Variants in PTGS1 observed in about 807,000 individuals in gnomAD.
PTGS1 encodes the protein prostaglandin-endoperoxide synthase 1.
A neutral mutation model predicts 63.0 loss-of-function variants in PTGS1; 40 were observed. The ratio of observed to expected loss-of-function variants is 0.63; its 90% CI spans 0.49 to 0.83. The LOEUF is 0.83. PTGS1 is among the 40% of genes least tolerant of loss of function. The pLI, the probability that PTGS1 is intolerant of heterozygous loss-of-function variation, is 0.00. For missense variants in PTGS1, 709 were observed against 786.5 expected (o/e 0.90, Z 1.18); for synonymous variants, 298 against 301.9 (o/e 0.99, Z 0.13).
intron 2 of PTGS1, among the ~76,000 whole-genome samples, chr9:122,377,398 G>A (rs948676040): frequency 5.3e-5 from 8 of 152,196 alleles, no homozygotes; most frequent in East Asian, 1.9e-4. Context: ...GAGGGATCTC[G>A]TTTTCCTAGT....
At position 122,392,516 on chromosome 9, in the gene PTGS1, C is replaced by T. The variant is rs1300938986; in HGVS notation, c.1772C>T (p.Ala591Val). 1 of 1,613,892 alleles carries T rather than the reference C, an allele frequency of 6.2e-7. No homozygotes were observed. The highest frequency in any genetic ancestry group is 1.7e-5 in the Admixed American group (1 of 60,026). The change falls in exon 11 of 11, where the codon GCT (alanine) becomes GTT (valine). Residue 591 changes from alanine to valine, a missense_variant. Physicochemically the swap from Ala to Val is moderately conservative, Grantham distance 64 (BLOSUM62 0). Transcript: ENST00000362012. ...VPDASQDDGP[A>V]VERPSTEL ...GATGCCAGTCAGGATGATGGGCCTG[C>T]TGTGGAGCGACCATCCACAGAGCTC...
chr9:122,391,430 T>TATATATATAC (rs1564147754), intron 10 of PTGS1, among the ~76,000 whole-genome samples: 1 of 25,356 alleles, frequency 3.9e-5, no homozygotes, highest in Non-Finnish European at 1.9e-4. Flanking sequence ...TATATATACA[T>TATATATATAC]ATATATATAT....
intron 8 of PTGS1, among the ~76,000 whole-genome samples, 179 bp downstream of exon 8, chr9:122,383,934 G>A (rs150214270): frequency 2.0e-5 from 3 of 152,278 alleles, no homozygotes; most frequent in Non-Finnish European, 2.9e-5. Flanking sequence ...AAATCTGTAC[G>A]TTGGGGTGAA....
At chr9:122,391,358 CATATATATATATACATATATATATAT>C (rs773754495) in intron 10 of PTGS1, among the ~76,000 whole-genome samples, 1 of 104,308 alleles carries the variant, frequency 9.6e-6, no homozygotes, top group African/African-American at 4.1e-5. Flanking sequence ...TATATATATA[CATATATATATATACATATATATATAT>C]ACATATATAT....
intron 1 of PTGS1, 34 bp from the exon 2 acceptor site, chr9:122,371,152 G>T (rs1336949496): frequency 3.1e-6 from 5 of 1,607,716 alleles, no homozygotes; most frequent in African/African-American, 1.3e-5. Context: ...AGCCTTGAAT[G>T]CCAGGCTCAG....
At position 122,378,834 on chromosome 9, in the gene PTGS1, T is replaced by A; in HGVS notation, c.412T>A (p.Trp138Arg). The A allele has an allele frequency of 6.2e-7, 1 of 1,614,262 alleles. No individual in the cohort carries two copies. Among genetic ancestry groups the A allele is most frequent in the Non-Finnish European group, 8.5e-7 (1 of 1,180,040 alleles). The change falls in exon 5 of 11, where the codon TGG becomes AGG. Residue 138 changes from tryptophan to arginine, a missense_variant. Physicochemically the swap from Trp to Arg is moderately radical, Grantham distance 101. Transcript: ENST00000362012. ...CAACTCAGCACATGACTACATCAGC[T>A]GGGAGTCTTTCTCCAACGTGAGCTA... is the stretch of plus-strand genomic sequence containing the variant. ...TYNSAHDYIS[W>R]ESFSNVSYYT...
intron 3 of PTGS1, 122 bp downstream of exon 3, chr9:122,378,137 C>G: frequency 9.8e-7 from 1 of 1,020,460 alleles, no homozygotes; most frequent in Non-Finnish European, 1.5e-6. Flanking sequence ...CCTTCCTTGC[C>G]TGGTTCTGCC....
Position 122,381,362 on chromosome 9 carries a change from C to T in PTGS1, c.497-9C>T. 1 of 1,613,346 alleles carries T rather than the reference C, an allele frequency of 6.2e-7. No individual in the cohort carries two copies. Among genetic ancestry groups the T allele is most frequent in the Non-Finnish European group, 8.5e-7 (1 of 1,179,606 alleles). On this transcript the variant is annotated splice_polypyrimidine_tract_variant and intron_variant, in intron 5 of 10. Coordinates refer to ENST00000362012, the MANE Select transcript of PTGS1 (RefSeq NM_000962.4). ...GAGAAGCTACTGCTGTTTCCTACCC[C>T]CCAACCAGGGAAGAAGCAGTTGCCA...
Position 122,381,566 on chromosome 9 carries a change from AG to A in PTGS1, c.678+18del. On this transcript the variant is annotated intron_variant, in intron 6 of 10. Coordinates refer to ENST00000362012, the MANE Select transcript of PTGS1 (RefSeq NM_000962.4). ...TTGGGCCATGGGGTGAGTACCTAGG[AG>A]GGGCTCAGGACTGCTCTGGACCTAA... The A allele has an allele frequency of 6.2e-7, 1 of 1,614,064 alleles. No individual in the cohort carries two copies. Among genetic ancestry groups the A allele is most frequent in the South Asian group, 1.1e-5 (1 of 91,076 alleles).
rs10306118 is a variant in PTGS1 at position 122,371,962 on chromosome 9, G to T, written c.94+690G>T. On this transcript the variant is annotated intron_variant, in intron 2 of 10. Transcript: ENST00000362012. ...AGCTGCTTCTACCCACAATGGACCC[G>T]GAGCCACTCTGGGTTTCATGGGGGA... The T allele has an allele frequency of 0.015, 10,422 of 703,756 alleles. 767 individuals carry two copies. The African/African-American group carries it at 0.16, about 11-fold the overall frequency. The allele number at this position is 703,756 out of a possible 1,614,324, so 43.6% of individuals were successfully genotyped here.
chr9:122,375,489 G>A (rs1837080824), intron 2 of PTGS1: 5 of 985,318 alleles, frequency 5.1e-6, no homozygotes, highest in Middle Eastern at 5.2e-4. Flanking sequence ...ACAAACATTC[G>A]TTAAGCTCTG....
intron 5 of PTGS1, among the ~76,000 whole-genome samples, chr9:122,380,050 A>T (rs1187896237): frequency 6.6e-6 from 1 of 152,206 alleles, no homozygotes; most frequent in Admixed American, 6.5e-5. Context: ...TATGCCAGAC[A>T]TAGAAAGATT....
At chr9:122,377,831 A>C in intron 2 of PTGS1, 68 bp from the exon 3 acceptor site, 1 of 1,379,346 alleles carries the variant, frequency 7.2e-7, no homozygotes, top group Non-Finnish European at 1.0e-6. Context: ...TCATTCCCCC[A>C]TCAGGGGCTA....
At chr9:122,391,935 C>G (rs994842016) in intron 10 of PTGS1, among the ~76,000 whole-genome samples, 1 of 152,084 alleles carries the variant, frequency 6.6e-6, no homozygotes, top group Non-Finnish European at 1.5e-5. Context: ...GATCTAGGCC[C>G]CTGACTTTCT....
In PTGS1 at chr9:122,392,362, T is replaced by C. The variant is rs757880106; in HGVS notation, c.1618T>C (p.Ser540Pro). 1.2e-6 allele frequency: 2 copies of C among 1,614,048 alleles called. No homozygotes were observed. The highest frequency in any genetic ancestry group is 1.1e-5 in the South Asian group (1 of 91,072). ...GGGTCTCCTAGGGAATCCCATCTGT[T>C]CTCCGGAGTACTGGAAGCCGAGCAC... ...LKGLLGNPIC[S>P]PEYWKPSTFG... The change falls in exon 11 of 11, where the codon TCT (serine) becomes CCT (proline). Residue 540 changes from serine (S) to proline (P), a missense_variant. Ser to Pro is a moderately conservative substitution (Grantham distance 74, BLOSUM62 -1). Coordinates refer to ENST00000362012, the MANE Select transcript of PTGS1 (RefSeq NM_000962.4).
In PTGS1 at chr9:122,381,557, G is replaced by T; in HGVS notation, c.678+5G>T. On this transcript the variant is annotated splice_donor_5th_base_variant and intron_variant, in intron 6 of 10. Transcript: ENST00000362012. ...ACCAAGGCCTTGGGCCATGGGGTGA[G>T]TACCTAGGAGGGGCTCAGGACTGCT... 1.2e-6 allele frequency: 2 copies of T among 1,614,140 alleles called. No homozygotes were observed. Among genetic ancestry groups the T allele is most frequent in the Non-Finnish European group, 1.7e-6 (2 of 1,179,978 alleles).
chr9:122,372,246 C>A (rs1180548265), intron 2 of PTGS1, among the ~76,000 whole-genome samples: 2 of 151,942 alleles, frequency 1.3e-5, no homozygotes, highest in South Asian at 2.1e-4. Flanking sequence ...GGATCTGGTG[C>A]GTGGGGGAAA....
chr9:122,382,702 T>C (rs1222340111), intron 7 of PTGS1, among the ~76,000 whole-genome samples: 1 of 152,182 alleles, frequency 6.6e-6, no homozygotes, highest in Non-Finnish European at 1.5e-5. Context: ...CAAAACAAAG[T>C]TTGATGCTGA....
intron 10 of PTGS1, among the ~76,000 whole-genome samples, chr9:122,391,720 C>CG (rs10306181): frequency 0.027 from 4,060 of 151,920 alleles, 189 homozygotes; most frequent in African/African-American, 0.093. Context: ...AAATGGTCCC[C>CG]GGGGGCAGAA....
Sources: gnomAD v4.1 joint callset for allele counts (sites outside exome capture counted in the v4.1 genomes callset) on GRCh38, gnomAD v4.1.1 for gene constraint, MANE v1.5 for transcripts, NCBI Gene and HGNC (gene_info 2026-07-23, HGNC 2026-07-21) for gene names.